KPNB1: variants seen among roughly 807,000 people sequenced by gnomAD.
The protein encoded by KPNB1 is importin subunit beta-1.
Under a neutral mutation model 113.0 loss-of-function variants are expected in KPNB1, and 7 were observed. That is an observed-to-expected ratio of 0.06 (90% CI 0.04 to 0.12). The LOEUF (loss-of-function observed/expected upper bound fraction) is 0.12. Ranked by LOEUF, KPNB1 falls within the 10% of genes least tolerant of loss-of-function variation. KPNB1 has a pLI of 1.00. For synonymous variants in KPNB1, 363 were observed against 378.6 expected, an observed-to-expected ratio of 0.96 and a Z score of 0.48; for missense variants, 400 against 1,054.8, an observed-to-expected ratio of 0.38 and a Z score of 8.60.
chr17:47,673,620 A>G, intron 14 of KPNB1, 59 bp downstream of exon 14: 1 of 1,293,430 alleles, frequency 7.7e-7, no homozygotes, highest in Non-Finnish European at 1.1e-6. Flanking sequence ...GTATCTCAGT[A>G]TAACAAGTTC....
At chr17:47,651,018 C>G (rs762660622) in intron 2 of KPNB1, among the ~76,000 whole-genome samples, 1 of 151,666 alleles carries the variant, frequency 6.6e-6, no homozygotes, top group South Asian at 2.1e-4. Context: ...TCGGTTATTC[C>G]TCTCTTGGGG....
Position 47,669,758 on chromosome 17 carries a change from T to A in KPNB1, c.1305T>A (p.Ile435=), listed in dbSNP as rs377575686. The change falls in exon 11 of 22, where the codon ATT becomes ATA. Residue 435 remains isoleucine, a synonymous_variant. Coordinates refer to ENST00000290158, the MANE Select transcript of KPNB1 (RefSeq NM_002265.6). Reference sequence around the variant, plus strand: ...CAGCTGCATGGACTGTAGGCAGAATTTGTGAGCTGCTTCCTGAAGCTGCCA... The same window carrying A: ...CAGCTGCATGGACTGTAGGCAGAATATGTGAGCTGCTTCCTGAAGCTGCCA... ...RDTAAWTVGR[I]CELLPEAAIN... The A allele has an allele frequency of 2.1e-4, 331 of 1,614,014 alleles. No individual in the cohort carries two copies. The highest frequency in any genetic ancestry group is 2.7e-4 in the Non-Finnish European group (315 of 1,179,982).
intron 9 of KPNB1, among the ~76,000 whole-genome samples, chr17:47,666,630 T>A (rs1235072744): frequency 6.8e-6 from 1 of 147,100 alleles, no homozygotes; most frequent in African/African-American, 2.5e-5. Flanking sequence ...TTATATATAT[T>A]TATTTTTTAG....
chr17:47,677,453 G>A (rs1452579418), intron 17 of KPNB1, among the ~76,000 whole-genome samples: 1 of 110,220 alleles, frequency 9.1e-6, no homozygotes, highest in Admixed American at 1.3e-4. Context: ...GCCTGGGCAA[G>A]AAGAGCCAAA....
intron 9 of KPNB1, among the ~76,000 whole-genome samples, chr17:47,667,627 G>A (rs73315878): frequency 0.47 from 70,083 of 150,248 alleles, 16,989 homozygotes; most frequent in Middle Eastern, 0.56. Context: ...GCACAATCTC[G>A]GCTCACTGCA....
In KPNB1 at chr17:47,666,452, TTA is replaced by T. The variant is rs1200750567; in HGVS notation, c.999+1296_999+1297del. Among the ~76,000 whole-genome samples the T allele has an allele frequency of 2.0e-3, 278 of 136,604 alleles. 2 individuals carry two copies. The highest frequency in any genetic ancestry group is 6.4e-3 in the South Asian group (30 of 4,668). 89.6% of individuals were successfully genotyped at this position (136,604 alleles called of 152,430 possible). A position where few individuals can be genotyped will look rare whatever the true frequency, so the allele number is the denominator to read the frequency against. ...ATATATATATTATATATTTTATATA[TTA>T]TGTTATATATATTTTATATAATGTT... On this transcript the variant is annotated intron_variant, in intron 9 of 21. Transcript: ENST00000290158.
At chr17:47,665,593 A>T (rs901560228) in intron 9 of KPNB1, among the ~76,000 whole-genome samples, 1 of 152,226 alleles carries the variant, frequency 6.6e-6, no homozygotes, top group African/African-American at 2.4e-5. Context: ...AGTTATTCAG[A>T]TGCTAATGAA....
chr17:47,672,216 G>T (rs929602501), intron 12 of KPNB1, among the ~76,000 whole-genome samples: 77 of 152,058 alleles, frequency 5.1e-4, no homozygotes, highest in African/African-American at 1.7e-3. Flanking sequence ...ATGTTGGCCA[G>T]GCTGGTCACA....
intron 2 of KPNB1, among the ~76,000 whole-genome samples, chr17:47,652,464 T>G (rs986188041): frequency 6.6e-6 from 1 of 152,170 alleles, no homozygotes; most frequent in Non-Finnish European, 1.5e-5. Flanking sequence ...CCTCATTAAG[T>G]GCTAGGCTCC....
chr17:47,657,836 G>C (rs1450614577), intron 4 of KPNB1, among the ~76,000 whole-genome samples: 2 of 152,178 alleles, frequency 1.3e-5, no homozygotes, highest in Non-Finnish European at 2.9e-5. Context: ...TTTTGCAGGT[G>C]GTTTGCAGTG....
rs1270621084 is a variant in KPNB1 at position 47,680,622 on chromosome 17, T to G, written c.2583T>G (p.Leu861=). The stretch of plus-strand genomic sequence containing the variant: ...CGAAGACTAACAAAGCAAAAACCCT[T>G]GCTACATGGGCAACAAAAGAACTGA... ...RRSKTNKAKT[L]ATWATKELRK... is the part of the protein sequence containing the mutation. The change falls in exon 21 of 22, where the codon CTT becomes CTG. Residue 861 remains leucine (L), a synonymous_variant. Transcript: ENST00000290158. 1 of 1,614,172 alleles carries G rather than the reference T, an allele frequency of 6.2e-7. No homozygotes were observed. Among genetic ancestry groups the G allele is most frequent in the Non-Finnish European group, 8.5e-7 (1 of 1,180,020 alleles).
At chr17:47,675,458 C>T (rs745975836) in intron 15 of KPNB1, among the ~76,000 whole-genome samples, 3 of 147,022 alleles carry the variant, frequency 2.0e-5, no homozygotes, top group Non-Finnish European at 4.5e-5. Context: ...TCACCACAGC[C>T]TCCACCTCCC....
chr17:47,660,984 G>A lies in KPNB1; in HGVS notation c.637-135G>A. ...GTGCTGTACCATCTCAAGGGAGAGT[G>A]GCTTGATTGTACCAGGCAGGGCTGT... On this transcript the variant is annotated intron_variant, in intron 5 of 21. Coordinates refer to ENST00000290158, the MANE Select transcript of KPNB1 (RefSeq NM_002265.6). 5.8e-6 allele frequency: 4 copies of A among 688,286 alleles called. No homozygotes were observed. The South Asian group carries it at 6.3e-5, about 11-fold the overall frequency. The allele number at this position is 688,286 out of a possible 1,614,324, so 42.6% of individuals were successfully genotyped here.
intron 3 of KPNB1, among the ~76,000 whole-genome samples, chr17:47,654,799 G>C (rs1004239429): frequency 4.6e-5 from 7 of 152,210 alleles, no homozygotes; most frequent in Non-Finnish European, 8.8e-5. Flanking sequence ...AGACTATGTA[G>C]TGTGGTGTGA....
rs1915591168 is a variant in KPNB1, at chr17:47,652,049, TCTG to T, written c.100-642_100-640del. Among the ~76,000 whole-genome samples, 3 of 152,196 alleles carry T rather than the reference TCTG, an allele frequency of 2.0e-5. No homozygotes were observed. In the South Asian group the frequency reaches 6.2e-4, roughly 31 times the overall value. On this transcript the variant is annotated intron_variant, in intron 2 of 21. Coordinates refer to ENST00000290158, the MANE Select transcript of KPNB1 (RefSeq NM_002265.6). Reference sequence around the variant, plus strand: ...ATATCTTATCACTTTTCCTTATAAATCTGCTTTTTTCATTGTTCCCTTTTTGCT... The same window carrying T: ...ATATCTTATCACTTTTCCTTATAAATCTTTTTTCATTGTTCCCTTTTTGCT...
At chr17:47,673,350 T>C (rs1443126351) in intron 13 of KPNB1, 140 bp from the exon 14 acceptor site, 5 of 862,148 alleles carry the variant, frequency 5.8e-6, no homozygotes, top group African/African-American at 1.7e-5. Flanking sequence ...TTTACTCATA[T>C]ATGTGTTACA....
In KPNB1 at chr17:47,658,568, A is replaced by G. The variant is rs912426429; in HGVS notation, c.544A>G (p.Arg182Gly). Residue 182 changes from arginine (R) to glycine (G), a missense_variant, in exon 5 of 22, where the codon AGG becomes GGG. Physicochemically the swap from Arg to Gly is moderately radical, Grantham distance 125. Coordinates refer to ENST00000290158, the MANE Select transcript of KPNB1 (RefSeq NM_002265.6). ...TCTGACTGCCATAATCCAGGGGATG[A>G]GGAAAGAAGAGCCTAGTAATAATGT... ...EILTAIIQGM[R>G]KEEPSNNVKL... 6.2e-7 allele frequency: 1 copy of G among 1,613,972 alleles called. No individual in the cohort carries two copies. The highest frequency in any genetic ancestry group is 8.5e-7 in the Non-Finnish European group (1 of 1,180,010).
At position 47,673,249 on chromosome 17, in the gene KPNB1, C is replaced by G. The variant is rs533620207; in HGVS notation, c.1695+84C>G. ...AGGTCTGTTTTCCAGACTGTTCTGT[C>G]TTTTTAGTGTTTAAGTATATATTTT... On this transcript the variant is annotated intron_variant, in intron 13 of 21. Transcript: ENST00000290158. 47 of 1,304,542 alleles carry G rather than the reference C, an allele frequency of 3.6e-5. No homozygotes were observed. In the South Asian group the frequency reaches 6.0e-4, roughly 17 times the overall value. 80.8% of individuals were successfully genotyped at this position (1,304,542 alleles called of 1,614,324 possible).
chr17:47,668,435 A>G, intron 10 of KPNB1, 25 bp downstream of exon 10: 1 of 1,555,148 alleles, frequency 6.4e-7, no homozygotes, highest in Non-Finnish European at 8.9e-7. Context: ...TTTTTGGAGT[A>G]GAAAGTAGGA....
Sources: gnomAD v4.1 joint callset for allele counts (sites outside exome capture counted in the v4.1 genomes callset) on GRCh38, gnomAD v4.1.1 for gene constraint, MANE v1.5 for transcripts, NCBI Gene and HGNC (gene_info 2026-07-23, HGNC 2026-07-21) for gene names.